The following EDIL3 variants were observed in gnomAD, a reference collection of about 807,000 sequenced individuals.
The protein encoded by EDIL3 is EGF like and discoidin domains 3, also known as EGF-like repeat and discoidin I-like domain-containing protein 3.
In EDIL3, 37 loss-of-function variants were observed where a neutral mutation model predicts 67.4. The ratio of observed to expected loss-of-function variants is 0.55; its 90% confidence interval spans 0.42 to 0.72. The LOEUF (loss-of-function observed/expected upper bound fraction) is 0.72. EDIL3 is among the 30% of genes least tolerant of loss of function. The pLI, the probability that EDIL3 is intolerant of heterozygous loss-of-function variation, is 0.00. For missense variants in EDIL3, 527 were observed against 586.3 expected, an observed-to-expected ratio of 0.90 and a Z score of 1.04; for synonymous variants, 195 against 196.3, an observed-to-expected ratio of 0.99 and a Z score of 0.05.
chr5:84,331,906 C>A (rs1348390050), intron 1 of EDIL3, among the ~76,000 whole-genome samples: 1 of 152,152 alleles, frequency 6.6e-6, no homozygotes, highest in African/African-American at 2.4e-5. Context: ...CAAGGAACTA[C>A]TGAATTATTC....
At chr5:83,962,639 T>C (rs1195761600) in intron 10 of EDIL3, among the ~76,000 whole-genome samples, 2 of 151,550 alleles carry the variant, frequency 1.3e-5, no homozygotes, top group Non-Finnish European at 3.0e-5. Flanking sequence ...AACAAACCTA[T>C]GAATTAAAAT....
intron 1 of EDIL3, among the ~76,000 whole-genome samples, chr5:84,313,902 A>C (rs997648513): frequency 3.9e-5 from 6 of 152,192 alleles, no homozygotes; most frequent in African/African-American, 1.4e-4. Flanking sequence ...GTGGAGAAAG[A>C]AATGCAAAAC....
intron 4 of EDIL3, among the ~76,000 whole-genome samples, chr5:84,154,693 CTTTTTTTTT>C (rs397881707): frequency 1.1e-5 from 1 of 92,294 alleles, no homozygotes; most frequent in South Asian, 4.6e-4. Context: ...TCTGCTTCTG[CTTTTTTTTT>C]TTTTTTTTTT....
intron 5 of EDIL3, 103 bp downstream of exon 5, chr5:84,137,138 T>C: frequency 3.8e-6 from 3 of 785,556 alleles, no homozygotes; most frequent in African/African-American, 1.8e-5. Flanking sequence ...ATTTAGATGA[T>C]GTACATAAAA....
intron 1 of EDIL3, among the ~76,000 whole-genome samples, chr5:84,381,449 A>G (rs918362587): frequency 4.6e-5 from 7 of 152,216 alleles, no homozygotes; most frequent in Non-Finnish European, 7.3e-5. Context: ...GAAGACATCA[A>G]TGTGTAATAA....
chr5:84,244,073 G>A (rs116150651), intron 2 of EDIL3, among the ~76,000 whole-genome samples: 1,960 of 152,204 alleles, frequency 0.013, 48 homozygotes, highest in African/African-American at 0.045. Flanking sequence ...CTCCAGAAAC[G>A]ATGACATCTA....
At chr5:84,265,757 C>A (rs928060556) in intron 1 of EDIL3, among the ~76,000 whole-genome samples, 1 of 152,178 alleles carries the variant, frequency 6.6e-6, no homozygotes, top group Non-Finnish European at 1.5e-5. Context: ...CTCTTGAATT[C>A]TTTAACAAAC....
At chr5:84,094,709 G>A (rs1055186074) in intron 6 of EDIL3, among the ~76,000 whole-genome samples, 2 of 152,102 alleles carry the variant, frequency 1.3e-5, no homozygotes, top group Non-Finnish European at 2.9e-5. Flanking sequence ...AAAAATCCAT[G>A]TGTGAAATTT....
Position 84,384,516 on chromosome 5 carries a change from TAAAC to T in EDIL3, c.-146_-143del. On this transcript the variant is annotated 5_prime_UTR_variant, in exon 1 of 11. Coordinates refer to ENST00000296591, the MANE Select transcript of EDIL3 (RefSeq NM_005711.5). ...ACGTTCTCTTTCCTCAGCGCTTTGT[TAAAC>T]AAATTCTTGGAGAGGGCGAGAGTGG... 1.1e-5 allele frequency: 8 copies of T among 757,146 alleles called. No homozygotes were observed. Among genetic ancestry groups the T allele is most frequent in the Non-Finnish European group, 1.5e-5 (7 of 472,686 alleles). The allele number at this position is 757,146 out of a possible 1,614,324, so 46.9% of individuals were successfully genotyped here.
chr5:84,246,990 G>A (rs1227459047), intron 2 of EDIL3, among the ~76,000 whole-genome samples: 1 of 152,070 alleles, frequency 6.6e-6, no homozygotes, highest in African/African-American at 2.4e-5. Flanking sequence ...TTGTTTGTAT[G>A]AACTTATATT....
In EDIL3 at chr5:83,963,202, T is replaced by G. The variant is rs758508735; in HGVS notation, c.1293+3A>C. On this transcript the variant is annotated splice_donor_region_variant and intron_variant, in intron 10 of 10. Transcript: ENST00000296591. The stretch of plus-strand genomic sequence containing the variant: ...ACTTTATAAACCGATTTGGCTGACT[T>G]ACCTTATCTTTTCTTTGCTTTTCAT... 1.9e-6 allele frequency: 3 copies of G among 1,588,634 alleles called. No individual in the cohort carries two copies. The African/African-American group carries it at 4.1e-5, about 22-fold the overall frequency.
At chr5:84,307,124 G>A (rs1034286060) in intron 1 of EDIL3, among the ~76,000 whole-genome samples, 1 of 152,236 alleles carries the variant, frequency 6.6e-6, no homozygotes, top group East Asian at 1.9e-4. Flanking sequence ...GAACAGAAAC[G>A]CAAGTGCACA....
At chr5:84,180,613 A>T in intron 3 of EDIL3, 92 bp from the exon 4 acceptor site, 1 of 1,365,444 alleles carries the variant, frequency 7.3e-7, no homozygotes. Flanking sequence ...TTACAGAAAA[A>T]AGTGTTCTAG....
intron 4 of EDIL3, among the ~76,000 whole-genome samples, chr5:84,143,540 G>C (rs1019843036): frequency 2.0e-5 from 3 of 151,972 alleles, no homozygotes; most frequent in African/African-American, 7.2e-5. Flanking sequence ...AAATGCCTTT[G>C]ATACTAGTAC....
intron 3 of EDIL3, among the ~76,000 whole-genome samples, chr5:84,195,393 A>G (rs928760326): frequency 9.2e-5 from 14 of 151,982 alleles, no homozygotes; most frequent in Non-Finnish European, 1.6e-4. Context: ...AGATTTTCAG[A>G]TGAACAAATA....
chr5:84,317,814 G>A (rs560302967), intron 1 of EDIL3, among the ~76,000 whole-genome samples: 6 of 152,148 alleles, frequency 3.9e-5, no homozygotes, highest in African/African-American at 1.4e-4. Flanking sequence ...TCTGCTCAGG[G>A]TAATCAGGCA....
At chr5:84,229,753 T>A (rs1447449235) in intron 3 of EDIL3, 102 bp downstream of exon 3, 1 of 1,256,542 alleles carries the variant, frequency 8.0e-7, no homozygotes, top group Non-Finnish European at 1.1e-6. Context: ...CTGTGCCAAT[T>A]TTCTGGTTGA....
chr5:84,019,577 C>A (rs1333414947), intron 9 of EDIL3, among the ~76,000 whole-genome samples: 1 of 151,936 alleles, frequency 6.6e-6, no homozygotes, highest in Non-Finnish European at 1.5e-5. Context: ...ATAACAACCA[C>A]AGAAACCCAA....
At chr5:84,262,601 A>C (rs16901015) in intron 1 of EDIL3, among the ~76,000 whole-genome samples, 13,757 of 149,954 alleles carry the variant, frequency 0.092, 717 homozygotes, top group Middle Eastern at 0.16. Flanking sequence ...ATAAGTAGCG[A>C]AAATTTTGTA....
Sources: allele counts gnomAD v4.1 joint callset (sites outside exome capture counted in the v4.1 genomes callset), GRCh38; gene constraint gnomAD v4.1.1; transcripts MANE v1.5; gene names NCBI Gene and HGNC (gene_info 2026-07-23, HGNC 2026-07-21).